PDE4D: variants seen among roughly 807,000 people sequenced by gnomAD.
PDE4D encodes phosphodiesterase 4D, also known as 3',5'-cyclic-AMP phosphodiesterase 4D.
Under a neutral mutation model 87.4 loss-of-function variants are expected in PDE4D, and 24 were observed. That is an observed-to-expected ratio of 0.27 (90% CI 0.20 to 0.39). The LOEUF is 0.39. PDE4D is among the 10% of genes least tolerant of loss of function. PDE4D has a pLI of 1.00. For synonymous variants in PDE4D, 384 were observed against 383.2 expected (o/e 1.00, Z -0.02); for missense variants, 714 against 1,041.0 (o/e 0.69, Z 4.32).
intron 1 of PDE4D, among the ~76,000 whole-genome samples, chr5:59,531,004 G>T (rs1814117468): frequency 6.6e-6 from 1 of 152,120 alleles, no homozygotes; most frequent in South Asian, 2.1e-4. Context: ...ACGGTGTATT[G>T]AATTTCTTAA....
intron 1 of PDE4D, among the ~76,000 whole-genome samples, chr5:59,345,094 T>C (rs1190944981): frequency 2.0e-5 from 3 of 151,634 alleles, no homozygotes; most frequent in Non-Finnish European, 4.4e-5. Flanking sequence ...ATGACTATAA[T>C]GACAAAAAAG....
At chr5:58,978,265 T>A (rs1270134656) in intron 11 of PDE4D, among the ~76,000 whole-genome samples, 2 of 108,834 alleles carry the variant, frequency 1.8e-5, no homozygotes, top group African/African-American at 6.6e-5. Flanking sequence ...TAATAAAAAA[T>A]TATCTGGGGA....
chr5:59,938,783 A>G lies in PDE4D; in HGVS notation c.272+49705T>C, dbSNP rs192772625. On this transcript the variant is annotated intron_variant, in intron 3 of 16. Transcript: ENST00000502484. ...CAGCCTCGTTCAATTATTAAATATC[A>G]TATCCTCTTGAATTTTTCTGTCAGC... Among the ~76,000 whole-genome samples the G allele has an allele frequency of 5.9e-5, 9 of 152,326 alleles. No homozygotes were observed. The East Asian group carries it at 1.5e-3, about 26-fold the overall frequency.
chr5:59,277,118 G>T (rs1465138322), intron 1 of PDE4D, among the ~76,000 whole-genome samples: 1 of 152,120 alleles, frequency 6.6e-6, no homozygotes, highest in Non-Finnish European at 1.5e-5. Flanking sequence ...TTTGCAGACA[G>T]GATGTTGGAG....
At chr5:58,997,496 T>C (rs1338882045) in intron 6 of PDE4D, among the ~76,000 whole-genome samples, 1 of 152,136 alleles carries the variant, frequency 6.6e-6, no homozygotes, top group Admixed American at 6.6e-5. Flanking sequence ...AATTAATATA[T>C]TTAGAAGGGA....
At chr5:59,954,434 G>A (rs900930509) in intron 3 of PDE4D, among the ~76,000 whole-genome samples, 1 of 152,150 alleles carries the variant, frequency 6.6e-6, no homozygotes, top group Non-Finnish European at 1.5e-5. Flanking sequence ...AAACATCTTG[G>A]CAGTTATTTG....
chr5:59,736,238 G>A (rs1758054801), intron 1 of PDE4D, among the ~76,000 whole-genome samples: 1 of 151,592 alleles, frequency 6.6e-6, no homozygotes, highest in East Asian at 1.9e-4. Context: ...AATATAAAGG[G>A]TAAACAAACA....
chr5:59,110,576 T>C (rs1383956471), intron 5 of PDE4D, among the ~76,000 whole-genome samples: 1 of 152,212 alleles, frequency 6.6e-6, no homozygotes, highest in Non-Finnish European at 1.5e-5. Context: ...TTTACCATTA[T>C]GAAAACTGAG....
At chr5:59,299,009 T>C (rs1345815514) in intron 1 of PDE4D, among the ~76,000 whole-genome samples, 2 of 152,238 alleles carry the variant, frequency 1.3e-5, no homozygotes, top group African/African-American at 4.8e-5. Flanking sequence ...TTCAAAATAC[T>C]TGTATACACA....
intron 1 of PDE4D, among the ~76,000 whole-genome samples, chr5:59,482,466 T>C (rs1804440908): frequency 6.6e-6 from 1 of 152,196 alleles, no homozygotes; most frequent in African/African-American, 2.4e-5. Flanking sequence ...TTTGCAATGC[T>C]ATTTCAGATA....
At chr5:60,475,823 G>GAAA (rs397792795) in intron 1 of PDE4D, among the ~76,000 whole-genome samples, 13,647 of 94,728 alleles carry the variant, frequency 0.14, 1,030 homozygotes, top group Non-Finnish European at 0.2. Context: ...TCTGTTAAAT[G>GAAA]AAAAAAAAAA....
At chr5:59,559,537 A>G (rs1330673607) in intron 1 of PDE4D, among the ~76,000 whole-genome samples, 2 of 152,206 alleles carry the variant, frequency 1.3e-5, no homozygotes, top group African/African-American at 4.8e-5. Context: ...CCTCTTGGAT[A>G]TAAGCCACAG....
chr5:60,142,141 T>C (rs1343022156), intron 2 of PDE4D, among the ~76,000 whole-genome samples: 1 of 145,926 alleles, frequency 6.9e-6, no homozygotes, highest in Non-Finnish European at 1.5e-5. Flanking sequence ...AATCACAGGA[T>C]CCTGCCCAAA....
At chr5:60,105,459 C>A (rs938855217) in intron 2 of PDE4D, among the ~76,000 whole-genome samples, 34 of 152,122 alleles carry the variant, frequency 2.2e-4, no homozygotes, top group African/African-American at 8.2e-4. Context: ...TCCAGGAGAA[C>A]TTCCCCAATC....
chr5:60,371,478 T>C (rs374087290), intron 1 of PDE4D, among the ~76,000 whole-genome samples: 1 of 152,368 alleles, frequency 6.6e-6, no homozygotes, highest in East Asian at 1.9e-4. Context: ...ATTTCAACAC[T>C]GCCCTGTCAC....
intron 4 of PDE4D, among the ~76,000 whole-genome samples, chr5:59,181,205 T>C (rs1008135378): frequency 3.9e-5 from 6 of 152,086 alleles, no homozygotes; most frequent in Non-Finnish European, 8.8e-5. Context: ...ATAGATACTA[T>C]AGAAGCTTTA....
At chr5:59,931,122 T>A (rs573747992) in intron 3 of PDE4D, among the ~76,000 whole-genome samples, 2 of 152,360 alleles carry the variant, frequency 1.3e-5, no homozygotes, top group East Asian at 3.9e-4. Flanking sequence ...TGAATTTTAA[T>A]CAAAGCAATA....
At chr5:60,145,090 A>G (rs1780877971) in intron 2 of PDE4D, among the ~76,000 whole-genome samples, 1 of 152,218 alleles carries the variant, frequency 6.6e-6, no homozygotes, top group Admixed American at 6.5e-5. Flanking sequence ...ATGGGATTGC[A>G]GTTGTTTTTT....
At chr5:59,032,308 T>C (rs1460709010) in intron 6 of PDE4D, among the ~76,000 whole-genome samples, 4 of 152,152 alleles carry the variant, frequency 2.6e-5, no homozygotes, top group Admixed American at 1.3e-4. Flanking sequence ...CAGATATGAA[T>C]GTACACAGAA....
Sources: allele counts gnomAD v4.1 joint callset (sites outside exome capture counted in the v4.1 genomes callset), GRCh38; gene constraint gnomAD v4.1.1; transcripts MANE v1.5; gene names NCBI Gene and HGNC (gene_info 2026-07-23, HGNC 2026-07-21).